KIAA0319: variants seen among roughly 807,000 people sequenced by gnomAD.
KIAA0319 encodes the protein dyslexia-associated protein KIAA0319.
A neutral mutation model predicts 108.4 loss-of-function variants in KIAA0319; 83 were observed. The ratio of observed to expected loss-of-function variants is 0.77; its 90% confidence interval spans 0.64 to 0.92. The LOEUF (loss-of-function observed/expected upper bound fraction) is 0.92, where lower values mean the gene tolerates loss of function less well. Ranked by LOEUF, KIAA0319 falls within the 40% of genes least tolerant of loss-of-function variation. KIAA0319 has a pLI of 0.00. For missense variants in KIAA0319, 1,195 were observed against 1,322.4 expected (o/e 0.90, Z 1.49); for synonymous variants, 484 against 510.4 (o/e 0.95, Z 0.70).
intron 1 of KIAA0319, among the ~76,000 whole-genome samples, chr6:24,644,248 G>C (rs944227727): frequency 6.8e-5 from 1 of 14,610 alleles, no homozygotes; most frequent in East Asian, 0.014. Flanking sequence ...CAGGGGAGAG[G>C]GGGGGGTTCC....
In KIAA0319 at chr6:24,576,567, G is replaced by A. The variant is rs1264163719; in HGVS notation, c.1535C>T (p.Thr512Ile). The A allele has an allele frequency of 4.3e-6, 7 of 1,614,112 alleles. No homozygotes were observed. Among genetic ancestry groups the A allele is most frequent in the Non-Finnish European group, 5.9e-6 (7 of 1,179,990 alleles). Residue 512 changes from threonine (T) to isoleucine (I), a missense_variant, in exon 10 of 21, where the codon ACT becomes ATT. Transcript: ENST00000378214. Reference sequence around the variant, plus strand: ...TATTAGGGCTGCAGTTGTAGAGTTAGTGGCTCCGTCCGAGTCTGTAACAGT... The same window carrying A: ...TATTAGGGCTGCAGTTGTAGAGTTAATGGCTCCGTCCGAGTCTGTAACAGT... ...RLTVTDSDGA[T>I]NSTTAALIVN...
intron 1 of KIAA0319, among the ~76,000 whole-genome samples, chr6:24,618,335 A>G (rs1416605264): frequency 6.6e-6 from 1 of 152,210 alleles, no homozygotes; most frequent in Non-Finnish European, 1.5e-5. Context: ...CAGGCCAAGT[A>G]GAATGACTCA....
At chr6:24,638,794 G>A (rs147230728) in intron 1 of KIAA0319, among the ~76,000 whole-genome samples, 233 of 152,166 alleles carry the variant, frequency 1.5e-3, no homozygotes, top group African/African-American at 5.3e-3. Flanking sequence ...GAGGCAAGAT[G>A]TGAAGGGATC....
chr6:24,598,665 T>C (rs1050059798), intron 2 of KIAA0319: 9 of 290,216 alleles, frequency 3.1e-5, no homozygotes, highest in African/African-American at 1.5e-4. Context: ...CACCTGAGGA[T>C]AGGAGTTCAA....
At chr6:24,566,451 G>T in intron 14 of KIAA0319, 146 bp downstream of exon 14, 1 of 613,692 alleles carries the variant, frequency 1.6e-6, no homozygotes, top group Non-Finnish European at 2.4e-6. Flanking sequence ...CTCCATAATG[G>T]AGACAAAATT....
chr6:24,563,277 A>T, intron 16 of KIAA0319, 82 bp downstream of exon 16: 1 of 1,432,856 alleles, frequency 7.0e-7, no homozygotes, highest in Non-Finnish European at 9.4e-7. Flanking sequence ...CAGAGGAATG[A>T]ACAGTTTTCT....
chr6:24,640,630 A>G (rs763181874), intron 1 of KIAA0319, among the ~76,000 whole-genome samples: 4 of 152,184 alleles, frequency 2.6e-5, no homozygotes, highest in Non-Finnish European at 5.9e-5. Context: ...GGTAAAATAT[A>G]TATAACATAA....
intron 3 of KIAA0319, among the ~76,000 whole-genome samples, chr6:24,590,526 C>G (rs1768308422): frequency 6.6e-6 from 1 of 152,122 alleles, no homozygotes; most frequent in South Asian, 2.1e-4. Flanking sequence ...AAAATTACTG[C>G]AAACCAGGGC....
At chr6:24,549,714 G>T (rs983672983) in intron 20 of KIAA0319, among the ~76,000 whole-genome samples, 2 of 152,178 alleles carry the variant, frequency 1.3e-5, no homozygotes, top group African/African-American at 2.4e-5. Flanking sequence ...AATTCAATGG[G>T]TAAAGTACTT....
At position 24,546,242 on chromosome 6, in the gene KIAA0319, C is replaced by T. The variant is rs1474079295; in HGVS notation, c.*923G>A. The T allele has an allele frequency of 2.6e-5, 4 of 152,200 alleles. No homozygotes were observed. The East Asian group carries it at 7.7e-4, about 29-fold the overall frequency. 9.4% of individuals were successfully genotyped at this position (152,200 alleles called of 1,614,324 possible). ...ATCCAAGTTAAGACTGACTGTATTT[C>T]AGAGTTTTGGAATATATACACAATT... On this transcript the variant is annotated 3_prime_UTR_variant, in exon 21 of 21. Coordinates refer to ENST00000378214, the MANE Select transcript of KIAA0319 (RefSeq NM_014809.4).
intron 1 of KIAA0319, among the ~76,000 whole-genome samples, chr6:24,637,866 CT>C (rs1344791244): frequency 2.6e-4 from 39 of 151,900 alleles, no homozygotes; most frequent in East Asian, 1.9e-4. Context: ...AACCCCAGGT[CT>C]GCTTGGTAGA....
intron 1 of KIAA0319, among the ~76,000 whole-genome samples, chr6:24,608,459 C>T (rs13204166): frequency 0.29 from 44,123 of 151,558 alleles, 8,200 homozygotes; most frequent in Non-Finnish European, 0.4. Flanking sequence ...AGAAAAAAGG[C>T]CAAAATTTTT....
chr6:24,623,046 GA>G (rs540546428), intron 1 of KIAA0319, among the ~76,000 whole-genome samples: 5 of 143,264 alleles, frequency 3.5e-5, no homozygotes, highest in Admixed American at 6.9e-5. Context: ...CTCATTAAAA[GA>G]AAAAAAAAAG....
At chr6:24,640,842 C>T (rs574396953) in intron 1 of KIAA0319, among the ~76,000 whole-genome samples, 7 of 151,852 alleles carry the variant, frequency 4.6e-5, no homozygotes, top group African/African-American at 7.2e-5. Context: ...TTTGTGGAGA[C>T]GAGGTTTCAC....
intron 1 of KIAA0319, among the ~76,000 whole-genome samples, chr6:24,609,379 C>A (rs528217182): frequency 6.6e-6 from 1 of 151,534 alleles, no homozygotes; most frequent in Non-Finnish European, 1.5e-5. Context: ...GAGATTGAGA[C>A]CATCCTGGCC....
chr6:24,634,288 G>A (rs894051623), intron 1 of KIAA0319, among the ~76,000 whole-genome samples: 12 of 152,062 alleles, frequency 7.9e-5, no homozygotes, highest in African/African-American at 2.4e-4. Flanking sequence ...AGCACACCTC[G>A]AAACACACAC....
intron 1 of KIAA0319, among the ~76,000 whole-genome samples, chr6:24,611,654 C>G (rs971972425): frequency 6.6e-6 from 1 of 152,008 alleles, no homozygotes; most frequent in African/African-American, 2.4e-5. Context: ...GGATAATTTC[C>G]CTAATACATA....
chr6:24,610,392 C>T (rs1772119335), intron 1 of KIAA0319, among the ~76,000 whole-genome samples: 1 of 152,168 alleles, frequency 6.6e-6, no homozygotes, highest in Non-Finnish European at 1.5e-5. Context: ...GATACCACCT[C>T]ATACCCACTA....
chr6:24,622,932 G>A (rs1255066877), intron 1 of KIAA0319, among the ~76,000 whole-genome samples: 1 of 152,044 alleles, frequency 6.6e-6, no homozygotes, highest in South Asian at 2.1e-4. Flanking sequence ...CCAGCTACTC[G>A]GGAGGCTGAG....
Sources: allele counts gnomAD v4.1 joint callset (sites outside exome capture counted in the v4.1 genomes callset), GRCh38; gene constraint gnomAD v4.1.1; transcripts MANE v1.5; gene names NCBI Gene and HGNC (gene_info 2026-07-23, HGNC 2026-07-21).